KDM4B: variants seen among roughly 807,000 people sequenced by gnomAD.
KDM4B encodes lysine-specific demethylase 4B.
KDM4B carries 32 observed loss-of-function variants against 125.2 expected under a neutral mutation model. That is an observed-to-expected ratio of 0.26 (90% confidence interval 0.19 to 0.34). KDM4B has a LOEUF of 0.34. Among genes scored for constraint, KDM4B ranks in the 10% least tolerant of loss-of-function variants. The pLI, the probability that KDM4B is intolerant of heterozygous loss-of-function variation, is 1.00. For synonymous variants in KDM4B, 721 were observed against 677.9 expected (o/e 1.06, Z -0.99); for missense variants, 1,190 against 1,577.7 (o/e 0.75, Z 4.16).
At chr19:5,050,543 G>A (rs145808978) in intron 6 of KDM4B, among the ~76,000 whole-genome samples, 2,869 of 152,280 alleles carry the variant, frequency 0.019, 82 homozygotes, top group South Asian at 0.067. Flanking sequence ...GCCTGGGGTC[G>A]GTGTCCTGAA....
chr19:5,133,855 T>C (rs750383835), intron 13 of KDM4B, 28 bp from the exon 14 acceptor site: 2 of 1,608,232 alleles, frequency 1.2e-6, no homozygotes, highest in Non-Finnish European at 1.7e-6. Context: ...CTCAAGTGTC[T>C]CTCTCCCTCT....
At chr19:5,041,033 C>T (rs909108227) in intron 4 of KDM4B, 104 bp from the exon 5 acceptor site, 13 of 697,268 alleles carry the variant, frequency 1.9e-5, no homozygotes, top group Non-Finnish European at 3.0e-5. Flanking sequence ...GAGCAGAGCC[C>T]CTCCCGCCTC....
In KDM4B at chr19:5,137,789, C is replaced by T. The variant is rs1018678281; in HGVS notation, c.2441+113C>T. ...GGGTTGACCATCACCTCCACATAACCGCCCTGTGTCATGGATGGGGTGGCC... is the reference window on the plus strand; with the variant it reads ...GGGTTGACCATCACCTCCACATAACTGCCCTGTGTCATGGATGGGGTGGCC... On this transcript the variant is annotated intron_variant, in intron 17 of 22. Transcript: ENST00000159111. 7.3e-5 allele frequency: 81 copies of T among 1,116,546 alleles called. 1 individual carries two copies. The highest frequency in any genetic ancestry group is 5.6e-4 in the South Asian group (37 of 66,512). The allele number at this position is 1,116,546 out of a possible 1,614,324, so 69.2% of individuals were successfully genotyped here.
chr19:5,017,930 T>C (rs929787390), intron 2 of KDM4B, among the ~76,000 whole-genome samples: 5 of 151,964 alleles, frequency 3.3e-5, no homozygotes, highest in Non-Finnish European at 7.4e-5. Flanking sequence ...TCAGTAGAGA[T>C]GGGGTTTCAC....
intron 13 of KDM4B, 125 bp from the exon 14 acceptor site, chr19:5,133,758 C>T (rs2039599140): frequency 4.3e-6 from 4 of 934,398 alleles, no homozygotes; most frequent in South Asian, 3.2e-5. Context: ...GAGCTATGGG[C>T]CAGGGACCCT....
rs2039799420 is a variant in KDM4B at position 5,144,303 on chromosome 19, A to G, written c.2792A>G (p.Asn931Ser). ...LGQVVITKNR[N>S]GLYYRCRVIG... ...CAGGTGGTCATCACCAAGAACCGCA[A>G]CGGGCTGTACTACCGCTGTCGCGTC... The change falls in exon 20 of 23, where the codon AAC becomes AGC. Residue 931 changes from asparagine (N) to serine (S), a missense_variant. By Grantham distance (46) the Asn-to-Ser change is conservative. Around this residue, in one of 7 missense-constraint regions of KDM4B, gnomAD observed 298 missense variants for 439.7 expected, o/e 0.68. Coordinates refer to ENST00000159111, the MANE Select transcript of KDM4B (RefSeq NM_015015.3). 7.5e-6 allele frequency: 12 copies of G among 1,591,516 alleles called. No individual in the cohort carries two copies. The highest frequency in any genetic ancestry group is 3.4e-5 in the South Asian group (3 of 87,680).
intron 9 of KDM4B, among the ~76,000 whole-genome samples, chr19:5,097,924 G>GCC (rs1324339525): frequency 6.6e-6 from 1 of 152,236 alleles, no homozygotes; most frequent in Non-Finnish European, 1.5e-5. Context: ...TGGACCTGGG[G>GCC]CCCCCAGCTT....
At chr19:4,986,353 C>T (rs899132294) in intron 1 of KDM4B, among the ~76,000 whole-genome samples, 6 of 152,278 alleles carry the variant, frequency 3.9e-5, no homozygotes, top group South Asian at 2.1e-4. Context: ...CCCTGTGGGG[C>T]GATGGCGGAG....
Position 5,041,564 on chromosome 19 carries a change from G to A in KDM4B, c.432+313G>A, listed in dbSNP as rs139316508. Among the ~76,000 whole-genome samples, 941 of 152,336 alleles carry A rather than the reference G, an allele frequency of 6.2e-3. 1 individual carries two copies. Among genetic ancestry groups the A allele is most frequent in the Middle Eastern group, 0.01 (3 of 294 alleles). Reference sequence around the variant, plus strand: ...TGTACTTTCCCAGTCCCTGCCGCTCGTCTTCCTGGCACTGTGGAGCCTCGA... The same window carrying A: ...TGTACTTTCCCAGTCCCTGCCGCTCATCTTCCTGGCACTGTGGAGCCTCGA... On this transcript the variant is annotated intron_variant, in intron 5 of 22. Transcript: ENST00000159111.
chr19:5,057,724 G>A (rs1251505688), intron 6 of KDM4B, among the ~76,000 whole-genome samples: 1 of 152,194 alleles, frequency 6.6e-6, no homozygotes, highest in African/African-American at 2.4e-5. Flanking sequence ...GGAGGGCAGC[G>A]GGTCCTGGGA....
At chr19:5,118,995 C>T (rs1212458327) in intron 10 of KDM4B, 4 of 632,512 alleles carry the variant, frequency 6.3e-6, no homozygotes, top group Non-Finnish European at 1.1e-5. Context: ...GGCTCCCATG[C>T]ACCTCATGGG....
intron 1 of KDM4B, among the ~76,000 whole-genome samples, chr19:4,976,249 CAA>C (rs11327138): frequency 0.014 from 1,204 of 85,488 alleles, 14 homozygotes; most frequent in African/African-American, 0.045. Flanking sequence ...AACTCAGTCT[CAA>C]AAAAAAAAAA....
At chr19:4,979,721 G>A (rs1413730336) in intron 1 of KDM4B, among the ~76,000 whole-genome samples, 1 of 152,220 alleles carries the variant, frequency 6.6e-6, no homozygotes, top group Non-Finnish European at 1.5e-5. Context: ...TTCTAGGACA[G>A]CCTCCCTTAG....
intron 9 of KDM4B, among the ~76,000 whole-genome samples, chr19:5,089,527 A>G (rs150666674): frequency 1.3e-5 from 2 of 152,146 alleles, no homozygotes; most frequent in Middle Eastern, 3.2e-3. Context: ...AAGGGAAAAA[A>G]TAGGCTGTGG....
At chr19:5,001,298 A>T (rs958414823) in intron 1 of KDM4B, among the ~76,000 whole-genome samples, 2 of 152,138 alleles carry the variant, frequency 1.3e-5, no homozygotes, top group African/African-American at 4.8e-5. Flanking sequence ...TGCTGGAATT[A>T]CAGGTGTGAG....
chr19:5,119,600 A>G, intron 10 of KDM4B, 53 bp from the exon 11 acceptor site: 17 of 1,490,928 alleles, frequency 1.1e-5, no homozygotes, highest in Admixed American at 2.0e-5. Context: ...GCACAGACCT[A>G]GGGCTCTTCC....
chr19:5,072,796 T>G (rs2037988947), intron 7 of KDM4B, among the ~76,000 whole-genome samples: 1 of 152,202 alleles, frequency 6.6e-6, no homozygotes, highest in Non-Finnish European at 1.5e-5. Flanking sequence ...AAAACCCAGG[T>G]GCAGGCAGGG....
At chr19:4,978,357 C>G (rs1271769247) in intron 1 of KDM4B, among the ~76,000 whole-genome samples, 1 of 151,486 alleles carries the variant, frequency 6.6e-6, no homozygotes, top group Non-Finnish European at 1.5e-5. Context: ...AAATGCAAAA[C>G]TTAGCCGGGC....
At chr19:5,058,837 A>G (rs530678793) in intron 6 of KDM4B, among the ~76,000 whole-genome samples, 1 of 152,296 alleles carries the variant, frequency 6.6e-6, no homozygotes, top group South Asian at 2.1e-4. Flanking sequence ...GTAGGAGCCA[A>G]ACAAACCTGG....
Sources: gnomAD v4.1 joint callset for allele counts (sites outside exome capture counted in the v4.1 genomes callset) on GRCh38, gnomAD v4.1.1 for gene constraint, gnomAD v4.1.1 regional missense constraint, MANE v1.5 for transcripts, NCBI Gene and HGNC (gene_info 2026-07-23, HGNC 2026-07-21) for gene names.